GRM1: variants seen among roughly 807,000 people sequenced by gnomAD.
The protein encoded by GRM1 is metabotropic glutamate receptor 1.
GRM1 carries 33 observed loss-of-function variants against 90.9 expected under a neutral mutation model. The observed-to-expected ratio is 0.36, with a 90% confidence interval of 0.28 to 0.49. The LOEUF (loss-of-function observed/expected upper bound fraction) is 0.49, where lower values mean the gene tolerates loss of function less well. Among genes scored for constraint, GRM1 ranks in the 20% least tolerant of loss-of-function variants. The pLI, the probability that GRM1 is intolerant of heterozygous loss-of-function variation, is 0.99. For synonymous variants in GRM1, 700 were observed against 613.2 expected, an observed-to-expected ratio of 1.14 and a Z score of -2.09; for missense variants, 1,190 against 1,534.3, an observed-to-expected ratio of 0.78 and a Z score of 3.75.
At chr6:146,093,306 G>T (rs1299166660) in intron 1 of GRM1, among the ~76,000 whole-genome samples, 1 of 152,060 alleles carries the variant, frequency 6.6e-6, no homozygotes, top group Non-Finnish European at 1.5e-5. Flanking sequence ...TCTTTCTTGT[G>T]ATCTCCTCTG....
chr6:146,236,240 A>T (rs1029556761), intron 2 of GRM1, among the ~76,000 whole-genome samples: 8 of 152,212 alleles, frequency 5.3e-5, no homozygotes, highest in Non-Finnish European at 1.2e-4. Context: ...TCATTATGAC[A>T]TGCAGCTCTA....
intron 1 of GRM1, among the ~76,000 whole-genome samples, chr6:146,077,631 T>C (rs1562448369): frequency 6.6e-6 from 1 of 152,220 alleles, no homozygotes; most frequent in Non-Finnish European, 1.5e-5. Flanking sequence ...TTACAAATAT[T>C]GGAAAATTAA....
chr6:146,064,071 G>A (rs531515992), intron 1 of GRM1, among the ~76,000 whole-genome samples: 1 of 152,122 alleles, frequency 6.6e-6, no homozygotes, highest in East Asian at 1.9e-4. Flanking sequence ...TATACCAATT[G>A]CCTAAATTAG....
At chr6:146,284,580 G>T (rs147712263) in intron 2 of GRM1, among the ~76,000 whole-genome samples, 3 of 152,282 alleles carry the variant, frequency 2.0e-5, no homozygotes, top group African/African-American at 4.8e-5. Flanking sequence ...GAGGGACCTG[G>T]TGGGAGGTGA....
chr6:146,382,605 C>G (rs979232146), intron 5 of GRM1, among the ~76,000 whole-genome samples: 22 of 152,078 alleles, frequency 1.4e-4, no homozygotes, highest in African/African-American at 5.1e-4. Context: ...TAGAGACTAC[C>G]CTTCCTTTTT....
chr6:146,371,052 TC>T (rs1381012539), intron 5 of GRM1, among the ~76,000 whole-genome samples: 2 of 152,240 alleles, frequency 1.3e-5, no homozygotes, highest in African/African-American at 4.8e-5. Context: ...TCTCTCATAG[TC>T]TATATTATTG....
intron 7 of GRM1, among the ~76,000 whole-genome samples, chr6:146,419,758 C>CA (rs1777921042): frequency 1.3e-5 from 2 of 152,262 alleles, no homozygotes; most frequent in East Asian, 3.9e-4. Context: ...CACCTTCAAA[C>CA]AACCAGATCT....
chr6:146,222,841 G>T (rs1452923741), intron 2 of GRM1, among the ~76,000 whole-genome samples: 3 of 152,018 alleles, frequency 2.0e-5, no homozygotes, highest in African/African-American at 4.8e-5. Context: ...TGGAAGGTCT[G>T]GTTACTCTGA....
At chr6:146,101,631 C>A (rs1012411428) in intron 1 of GRM1, among the ~76,000 whole-genome samples, 3 of 151,978 alleles carry the variant, frequency 2.0e-5, no homozygotes, top group Non-Finnish European at 4.4e-5. Context: ...CAATTAAAGC[C>A]AAGGACTATT....
chr6:146,426,741 C>T (rs772255931), intron 7 of GRM1: 2 of 668,240 alleles, frequency 3.0e-6, no homozygotes, highest in Non-Finnish European at 5.5e-6. Flanking sequence ...TGGTGCATGC[C>T]ATCAGAATGA....
upstream of GRM1, among the ~76,000 whole-genome samples, chr6:146,028,627 C>T (rs149012208): frequency 8.9e-4 from 135 of 152,206 alleles, no homozygotes; most frequent in African/African-American, 2.9e-3. Flanking sequence ...CTCCTCCATA[C>T]GGAGACTTTA....
intron 7 of GRM1, among the ~76,000 whole-genome samples, chr6:146,421,351 A>G (rs1434760992): frequency 6.6e-6 from 1 of 151,878 alleles, no homozygotes; most frequent in Non-Finnish European, 1.5e-5. Context: ...CTCTAGCTAT[A>G]CATAATACTA....
chr6:146,034,380 A>G (rs1325729315), intron 1 of GRM1, among the ~76,000 whole-genome samples: 3 of 151,990 alleles, frequency 2.0e-5, no homozygotes, highest in African/African-American at 7.2e-5. Flanking sequence ...TTACCATCAT[A>G]GCTGACTAGA....
chr6:146,405,460 A>G (rs1269767675), intron 7 of GRM1, among the ~76,000 whole-genome samples: 2 of 152,192 alleles, frequency 1.3e-5, no homozygotes, highest in African/African-American at 4.8e-5. Context: ...TAATGCGCTC[A>G]GGTTGTCAAA....
chr6:146,065,802 G>A (rs1775825743), intron 1 of GRM1, among the ~76,000 whole-genome samples: 1 of 152,152 alleles, frequency 6.6e-6, no homozygotes, highest in African/African-American at 2.4e-5. Context: ...AAATGTTGAA[G>A]GAATCATAAA....
At chr6:146,154,455 A>G (rs997792889) in intron 1 of GRM1, among the ~76,000 whole-genome samples, 1 of 152,162 alleles carries the variant, frequency 6.6e-6, no homozygotes, top group East Asian at 1.9e-4. Flanking sequence ...GAGTCGTGAC[A>G]TGTTTCCACA....
At chr6:146,251,941 C>T (rs575902012) in intron 2 of GRM1, among the ~76,000 whole-genome samples, 2 of 152,298 alleles carry the variant, frequency 1.3e-5, no homozygotes, top group African/African-American at 4.8e-5. Flanking sequence ...CTCATGCCTT[C>T]ACCTCCTTCA....
intron 1 of GRM1, among the ~76,000 whole-genome samples, chr6:146,102,786 A>AT (rs932484413): frequency 6.6e-6 from 1 of 152,168 alleles, no homozygotes; most frequent in African/African-American, 2.4e-5. Flanking sequence ...TCACTTACTG[A>AT]TTTTTTTCAA....
chr6:146,205,403 T>G lies in GRM1; in HGVS notation c.950+45806T>G, dbSNP rs185467954. ...TTTTGAGGACTGATTTAACTCAGCA[T>G]GTATGTTTCAGATGAGTGAATATTT... On this transcript the variant is annotated intron_variant, in intron 2 of 7. Coordinates refer to ENST00000282753, the MANE Select transcript of GRM1 (RefSeq NM_001278064.2). 1.4e-4 allele frequency among the ~76,000 whole-genome samples: 21 copies of G among 152,350 alleles called. No individual in the cohort carries two copies. In the East Asian group the frequency reaches 2.3e-3, roughly 17 times the overall value.
Sources: gnomAD v4.1 joint callset for allele counts (sites outside exome capture counted in the v4.1 genomes callset) on GRCh38, gnomAD v4.1.1 for gene constraint, MANE v1.5 for transcripts, NCBI Gene and HGNC (gene_info 2026-07-23, HGNC 2026-07-21) for gene names.